OXCT1: variants seen among roughly 807,000 people sequenced by gnomAD.
OXCT1 encodes 3-oxoacid CoA-transferase 1, also known as succinyl-CoA:3-ketoacid coenzyme A transferase 1, mitochondrial.
Under a neutral mutation model 69.6 loss-of-function variants are expected in OXCT1, and 27 were observed. That is an observed-to-expected ratio of 0.39 (90% CI 0.29 to 0.54). OXCT1 has a LOEUF of 0.54. Ranked by LOEUF, OXCT1 falls within the 20% of genes least tolerant of loss-of-function variation. The probability of loss-of-function intolerance (pLI) is 0.72; values close to 1 mark genes in which losing one functional copy is unlikely to be tolerated. For synonymous variants in OXCT1, 202 were observed against 217.8 expected (o/e 0.93, Z 0.64); for missense variants, 437 against 650.2 (o/e 0.67, Z 3.57).
Position 41,731,745 on chromosome 5 carries a change from T to C in OXCT1, c.1547A>G (p.Gln516Arg). 6.2e-7 allele frequency: 1 copy of C among 1,609,974 alleles called. No individual in the cohort carries two copies. Among genetic ancestry groups the C allele is most frequent in the Non-Finnish European group, 8.5e-7 (1 of 1,178,012 alleles). Residue 516 changes from glutamine to arginine, a missense_variant, in exon 17 of 17, where the codon CAG (glutamine) becomes CGG (arginine). Coordinates refer to ENST00000196371, the MANE Select transcript of OXCT1 (RefSeq NM_000436.4). ...ATCCATATTTCAATTTGCGATCTGC[T>C]GCATTGGCATGAGTTTTGGTGAAAC... ...FAVSPKLMPMQQIAN is the reference protein window; with the variant it reads ...FAVSPKLMPMRQIAN
At chr5:41,795,735 A>C (rs906759299) in intron 11 of OXCT1, among the ~76,000 whole-genome samples, 1 of 152,054 alleles carries the variant, frequency 6.6e-6, no homozygotes, top group Non-Finnish European at 1.5e-5. Flanking sequence ...TTCTCACTAC[A>C]AAAAAAGGTA....
At chr5:41,736,210 C>A (rs11749008) in intron 16 of OXCT1, among the ~76,000 whole-genome samples, 27,720 of 152,142 alleles carry the variant, frequency 0.18, 2,740 homozygotes, top group Middle Eastern at 0.29. Flanking sequence ...GTAAACAGCT[C>A]CTGACCAGAA....
At chr5:41,802,643 A>C (rs1746475701) in intron 10 of OXCT1, among the ~76,000 whole-genome samples, 1 of 152,036 alleles carries the variant, frequency 6.6e-6, no homozygotes, top group South Asian at 2.1e-4. Context: ...ACATAGAACT[A>C]TTGACAACCT....
chr5:41,795,795 A>G (rs1039191425), intron 11 of OXCT1, among the ~76,000 whole-genome samples: 1 of 152,222 alleles, frequency 6.6e-6, no homozygotes, highest in Non-Finnish European at 1.5e-5. Context: ...ATCATTTCAC[A>G]ATGTATATGT....
rs947127478 is a variant in OXCT1, at chr5:41,753,274, C to CACACACACACACACATAG, written c.1339-3685_1339-3668dup. Among the ~76,000 whole-genome samples, 34 of 143,920 alleles carry CACACACACACACACATAG rather than the reference C, an allele frequency of 2.4e-4. 1 individual carries two copies. Among genetic ancestry groups the CACACACACACACACATAG allele is most frequent in the Middle Eastern group, 3.6e-3 (1 of 280 alleles). 94.4% of individuals were successfully genotyped at this position (143,920 alleles called of 152,430 possible). Reference sequence around the variant, plus strand: ...GCTTGTTAAATGTGGCTGCAATACACACACACACACACACATAGACACACA... The same window carrying CACACACACACACACATAG: ...GCTTGTTAAATGTGGCTGCAATACACACACACACACACACATAGACACACACACACACATAGACACACA... On this transcript the variant is annotated intron_variant, in intron 14 of 16. Transcript: ENST00000196371.
chr5:41,756,959 A>G (rs1744106848), intron 14 of OXCT1, among the ~76,000 whole-genome samples: 1 of 152,080 alleles, frequency 6.6e-6, no homozygotes, highest in African/African-American at 2.4e-5. Context: ...TAACAGATTC[A>G]GAGAGGCAGT....
intron 15 of OXCT1, among the ~76,000 whole-genome samples, chr5:41,747,058 A>G (rs1263410151): frequency 2.0e-5 from 3 of 152,094 alleles, no homozygotes; most frequent in Non-Finnish European, 4.4e-5. Context: ...AAAAGCTTAC[A>G]GTGTTTTTTC....
At position 41,794,755 on chromosome 5, in the gene OXCT1, C is replaced by A. The variant is rs1179840640; in HGVS notation, c.1100-6G>T. ...AATAGTAACTGTTTCCTTGCCTAAA[C>A]ACACACACACACAAAAGAAAGAAAA... On this transcript the variant is annotated splice_region_variant and splice_polypyrimidine_tract_variant and intron_variant, in intron 11 of 16. Transcript: ENST00000196371. 1 of 1,476,498 alleles carries A rather than the reference C, an allele frequency of 6.8e-7. No homozygotes were observed. Among genetic ancestry groups the A allele is most frequent in the African/African-American group, 1.4e-5 (1 of 71,676 alleles). 91.5% of individuals were successfully genotyped at this position (1,476,498 alleles called of 1,614,324 possible).
chr5:41,730,185 A>T lies in OXCT1; in HGVS notation c.*1544T>A, dbSNP rs1742539698. 1.3e-5 allele frequency: 2 copies of T among 152,242 alleles called. No homozygotes were observed. The highest frequency in any genetic ancestry group is 1.3e-4 in the Admixed American group (2 of 15,286). 9.4% of individuals were successfully genotyped at this position (152,242 alleles called of 1,614,324 possible). Reference sequence around the variant, plus strand: ...ACATTATCTTAAAGATGCATACTGGAATGATAAGTTTGAAGATGTAACTAT... The same window carrying T: ...ACATTATCTTAAAGATGCATACTGGTATGATAAGTTTGAAGATGTAACTAT... On this transcript the variant is annotated 3_prime_UTR_variant, in exon 17 of 17. Transcript: ENST00000196371.
At chr5:41,816,127 A>G (rs1747232199) in intron 7 of OXCT1, among the ~76,000 whole-genome samples, 1 of 152,204 alleles carries the variant, frequency 6.6e-6, no homozygotes, top group Admixed American at 6.5e-5. Context: ...AAAATTGTTT[A>G]GCACGTGCAT....
At chr5:41,846,112 G>T (rs956160888) in intron 5 of OXCT1, among the ~76,000 whole-genome samples, 1 of 150,874 alleles carries the variant, frequency 6.6e-6, no homozygotes, top group Non-Finnish European at 1.5e-5. Context: ...ATTTATTTAT[G>T]TATGTATGTA....
chr5:41,841,147 G>A (rs1748609285), intron 6 of OXCT1, among the ~76,000 whole-genome samples: 1 of 152,162 alleles, frequency 6.6e-6, no homozygotes, highest in Non-Finnish European at 1.5e-5. Context: ...GCACTCTGAT[G>A]TTCCTCAATA....
rs745506790 is a variant in OXCT1 at position 41,803,110 on chromosome 5, T to C, written c.1009A>G (p.Ile337Val). The change falls in exon 10 of 17, where the codon ATA (isoleucine) becomes GTA (valine). Residue 337 changes from isoleucine to valine, a missense_variant. Ile to Val is a conservative substitution (Grantham distance 29). Around this residue, in one of 4 missense-constraint regions of OXCT1, gnomAD observed 252 missense variants for 397.4 expected, o/e 0.63. Coordinates refer to ENST00000196371, the MANE Select transcript of OXCT1 (RefSeq NM_000436.4). ...TTTTCACTTTGAAGATGAACAGTTATATTTGGGCTGATAAAATTGCTGGCC... is the reference window on the plus strand; with the variant it reads ...TTTTCACTTTGAAGATGAACAGTTACATTTGGGCTGATAAAATTGCTGGCC... Reference protein sequence around the residue: ...LLASNFISPNITVHLQSENGV... With the variant: ...LLASNFISPNVTVHLQSENGV... 1 of 1,612,432 alleles carries C rather than the reference T, an allele frequency of 6.2e-7. No homozygotes were observed. Among genetic ancestry groups the C allele is most frequent in the Non-Finnish European group, 8.5e-7 (1 of 1,178,768 alleles).
At chr5:41,743,525 T>A (rs1036937029) in intron 15 of OXCT1, among the ~76,000 whole-genome samples, 1 of 152,248 alleles carries the variant, frequency 6.6e-6, no homozygotes, top group African/African-American at 2.4e-5. Flanking sequence ...TGCCATTGCT[T>A]TTGGTGTTTT....
chr5:41,734,599 C>T (rs115138356), intron 16 of OXCT1, among the ~76,000 whole-genome samples: 166 of 152,232 alleles, frequency 1.1e-3, no homozygotes, highest in Non-Finnish European at 2.0e-3. Context: ...AGCTTTAATA[C>T]GACATCATTT....
chr5:41,737,897 T>C (rs1194037415), intron 16 of OXCT1, among the ~76,000 whole-genome samples: 1 of 152,004 alleles, frequency 6.6e-6, no homozygotes, highest in East Asian at 1.9e-4. Context: ...CTACTAAAAA[T>C]ACAAAAAATT....
chr5:41,847,307 C>T (rs1374467621), intron 5 of OXCT1, among the ~76,000 whole-genome samples: 1 of 152,022 alleles, frequency 6.6e-6, no homozygotes, highest in Middle Eastern at 3.2e-3. Context: ...CAACCAAAAA[C>T]AGTCCAGGAC....
At chr5:41,827,540 G>A (rs937381136) in intron 7 of OXCT1, among the ~76,000 whole-genome samples, 17 of 152,302 alleles carry the variant, frequency 1.1e-4, no homozygotes, top group South Asian at 2.1e-4. Flanking sequence ...AAGATACTGC[G>A]GAAATGGTGC....
intron 14 of OXCT1, among the ~76,000 whole-genome samples, chr5:41,757,074 T>C (rs533308730): frequency 7.2e-5 from 11 of 152,072 alleles, no homozygotes; most frequent in African/African-American, 1.9e-4. Context: ...TTGAGGGTTT[T>C]TGAGCTGCCA....
Sources: gnomAD v4.1 joint callset for allele counts (sites outside exome capture counted in the v4.1 genomes callset) on GRCh38, gnomAD v4.1.1 for gene constraint, gnomAD v4.1.1 regional missense constraint, MANE v1.5 for transcripts, NCBI Gene and HGNC (gene_info 2026-07-23, HGNC 2026-07-21) for gene names.